The following NFATC2 variants were observed in gnomAD, a reference collection of about 807,000 sequenced individuals.
NFATC2 encodes the protein nuclear factor of activated T cells 2.
A neutral mutation model predicts 87.3 loss-of-function variants in NFATC2; 22 were observed. That is an observed-to-expected ratio of 0.25 (90% CI 0.18 to 0.36). The LOEUF is 0.36. NFATC2 is among the 10% of genes least tolerant of loss of function. The pLI, the probability that NFATC2 is intolerant of heterozygous loss-of-function variation, is 1.00. For synonymous variants in NFATC2, 565 were observed against 542.2 expected, an observed-to-expected ratio of 1.04 and a Z score of -0.58; for missense variants, 1,149 against 1,259.1, an observed-to-expected ratio of 0.91 and a Z score of 1.32.
Position 51,529,358 on chromosome 20 carries a change from G to GT in NFATC2, c.131-5249dup, listed in dbSNP as rs11479866. Among the ~76,000 whole-genome samples, 1,196 of 149,094 alleles carry GT rather than the reference G, an allele frequency of 8.0e-3. 7 individuals are homozygous for GT. The highest frequency in any genetic ancestry group is 9.8e-3 in the African/African-American group (397 of 40,658). On this transcript the variant is annotated intron_variant, in intron 1 of 10. Coordinates refer to ENST00000371564, the MANE Select transcript of NFATC2 (RefSeq NM_012340.5). ...TTGGTTTTCATTAATCCAAGCGGCA[G>GT]TTTTTTTTTTTTCCTCTTGACAAGA... is the stretch of plus-strand genomic sequence containing the variant.
At chr20:51,529,037 G>T (rs923026873) in intron 1 of NFATC2, among the ~76,000 whole-genome samples, 3 of 152,254 alleles carry the variant, frequency 2.0e-5, no homozygotes, top group African/African-American at 7.2e-5. Flanking sequence ...TTCCTAGAAG[G>T]TAACAGAGCA....
At chr20:51,534,888 T>C (rs541448969) in intron 1 of NFATC2, among the ~76,000 whole-genome samples, 6 of 152,342 alleles carry the variant, frequency 3.9e-5, no homozygotes, top group South Asian at 2.1e-4. Context: ...GTCTCACTTA[T>C]TTGGCTCAGC....
At chr20:51,454,749 G>A in intron 5 of NFATC2, 61 bp from the exon 6 acceptor site, 1 of 1,582,216 alleles carries the variant, frequency 6.3e-7, no homozygotes, top group Non-Finnish European at 8.6e-7. Flanking sequence ...AAAAGAGGAG[G>A]TCTGATTTCA....
In NFATC2 at chr20:51,523,633, G is replaced by T. The variant is rs751013473; in HGVS notation, c.608C>A (p.Pro203Gln). Residue 203 changes from proline to glutamine, a missense_variant, in exon 2 of 11, where the codon CCG (proline) becomes CAG (glutamine). By Grantham distance (76) the Pro-to-Gln change is moderately conservative (BLOSUM62 -1). Around this residue, in one of 3 missense-constraint regions of NFATC2, gnomAD observed 563 missense variants for 585.2 expected, o/e 0.96. Coordinates refer to ENST00000371564, the MANE Select transcript of NFATC2 (RefSeq NM_012340.5). This position sits in a 1 kb window ranked among gnomAD's most constrained non-coding sequence, Gnocchi z 6.9. ...PNNGGPDDLC[P>Q]QFQNIPAHYS... ...ATGAGCAGGGATGTTTTGAAACTGCGGACACAGGTCGTCGGGCCCGCCGTT... is the reference window on the plus strand; with the variant it reads ...ATGAGCAGGGATGTTTTGAAACTGCTGACACAGGTCGTCGGGCCCGCCGTT... The T allele has an allele frequency of 5.6e-6, 9 of 1,613,876 alleles. No homozygotes were observed. The highest frequency in any genetic ancestry group is 1.7e-6 in the Non-Finnish European group (2 of 1,179,848).
intron 3 of NFATC2, among the ~76,000 whole-genome samples, chr20:51,494,808 T>C (rs73913454): frequency 0.14 from 21,995 of 152,148 alleles, 2,200 homozygotes; most frequent in East Asian, 0.3. Flanking sequence ...TAAGGATTAT[T>C]GAATCCCCGG....
chr20:51,539,083 T>C (rs942860552), intron 1 of NFATC2, among the ~76,000 whole-genome samples: 16 of 152,284 alleles, frequency 1.1e-4, no homozygotes, highest in East Asian at 5.8e-4. Flanking sequence ...GTGATAATAG[T>C]GCCTGCCTCC....
At chr20:51,462,826 C>T (rs1569011174) in intron 5 of NFATC2, among the ~76,000 whole-genome samples, 2 of 152,180 alleles carry the variant, frequency 1.3e-5, no homozygotes, top group East Asian at 1.9e-4. Flanking sequence ...GACATTGATC[C>T]TCCCAGAGGA....
chr20:51,514,741 C>T (rs868282417), intron 3 of NFATC2, among the ~76,000 whole-genome samples: 8 of 152,080 alleles, frequency 5.3e-5, no homozygotes, highest in Non-Finnish European at 8.8e-5. Flanking sequence ...GGCATGGTGG[C>T]GCACACCTGT....
rs1462847518 is a variant in NFATC2, at chr20:51,523,355, G to T, written c.886C>A (p.Pro296Thr). 2.5e-6 allele frequency: 4 copies of T among 1,612,060 alleles called. No homozygotes were observed. Among genetic ancestry groups the T allele is most frequent in the African/African-American group, 2.7e-5 (2 of 74,888 alleles). ...QDHGSPAGYPPVAGSAVIMDA... is the reference protein window; with the variant it reads ...QDHGSPAGYPTVAGSAVIMDA... ...ATGATCACGGCAGAGCCAGCCACAG[G>T]GGGGTACCCAGCCGGGGAGCCGTGG... Residue 296 changes from proline to threonine, a missense_variant, in exon 2 of 11, where the codon CCT becomes ACT. Physicochemically the swap from Pro to Thr is conservative, Grantham distance 38 (BLOSUM62 -1). Coordinates refer to ENST00000371564, the MANE Select transcript of NFATC2 (RefSeq NM_012340.5). This position sits in a 1 kb window ranked among gnomAD's most constrained non-coding sequence, Gnocchi z 6.9.
At chr20:51,481,934 A>G (rs1161863889) in intron 3 of NFATC2, among the ~76,000 whole-genome samples, 1 of 152,166 alleles carries the variant, frequency 6.6e-6, no homozygotes, top group Non-Finnish European at 1.5e-5. Context: ...TCTCCATAAC[A>G]ATGCTCAGAG....
At chr20:51,536,761 C>T (rs1448988777) in intron 1 of NFATC2, among the ~76,000 whole-genome samples, 1 of 152,184 alleles carries the variant, frequency 6.6e-6, no homozygotes, top group Non-Finnish European at 1.5e-5. Flanking sequence ...TCCAGCTGCA[C>T]CTGGAGACGT....
intron 2 of NFATC2, among the ~76,000 whole-genome samples, chr20:51,519,800 C>T (rs181115409): frequency 6.7e-6 from 1 of 150,350 alleles, no homozygotes; most frequent in East Asian, 1.9e-4. Flanking sequence ...CCTGTAATCC[C>T]AGCTACTCAG....
At chr20:51,452,125 C>A (rs1321955154) in intron 6 of NFATC2, among the ~76,000 whole-genome samples, 1 of 152,134 alleles carries the variant, frequency 6.6e-6, no homozygotes, top group East Asian at 1.9e-4. Context: ...TCTCTGATCC[C>A]TCAAGCAACG....
chr20:51,561,416 GAAAGAGAGAGAAAGAAAAGAAAGAAAGA>G (rs1568765255), intron 1 of NFATC2, among the ~76,000 whole-genome samples: 3 of 138,838 alleles, frequency 2.2e-5, no homozygotes, highest in African/African-American at 8.3e-5. Context: ...AAGAAAGAAA[GAAAGAGAGAGAAAGAAAAGAAAGAAAGA>G]AAGAAAGAAA....
intron 1 of NFATC2, among the ~76,000 whole-genome samples, chr20:51,556,625 G>A (rs1464100660): frequency 6.6e-6 from 1 of 152,334 alleles, no homozygotes; most frequent in Non-Finnish European, 1.5e-5. Context: ...ACTGGGCTGG[G>A]CCTTCAAGAA....
At chr20:51,479,729 A>G (rs749406209) in intron 3 of NFATC2, among the ~76,000 whole-genome samples, 9 of 152,338 alleles carry the variant, frequency 5.9e-5, no homozygotes, top group Non-Finnish European at 8.8e-5. Flanking sequence ...TCCACGTAAG[A>G]TGGGCTCACT....
chr20:51,467,167 A>G (rs1473771564), intron 5 of NFATC2, among the ~76,000 whole-genome samples: 1 of 152,120 alleles, frequency 6.6e-6, no homozygotes, highest in Non-Finnish European at 1.5e-5. Context: ...CAAAGGACTT[A>G]TGTCCAGAAT....
intron 10 of NFATC2, among the ~76,000 whole-genome samples, chr20:51,394,284 T>A (rs1337174771): frequency 6.6e-6 from 1 of 152,108 alleles, no homozygotes; most frequent in Non-Finnish European, 1.5e-5. Context: ...AACCACTTCA[T>A]GCAGGGTCCA....
chr20:51,484,628 G>A (rs1398212638), intron 3 of NFATC2, among the ~76,000 whole-genome samples: 3 of 152,240 alleles, frequency 2.0e-5, no homozygotes, highest in Admixed American at 6.5e-5. Context: ...ATGACAAAGA[G>A]CTGTTATACG....
Sources: gnomAD v4.1 joint callset for allele counts (sites outside exome capture counted in the v4.1 genomes callset) on GRCh38, gnomAD v4.1.1 for gene constraint, gnomAD v4.1.1 regional missense constraint, Gnocchi (gnomAD v3.1) non-coding constraint, MANE v1.5 for transcripts, NCBI Gene and HGNC (gene_info 2026-07-23, HGNC 2026-07-21) for gene names.